ZNF623: variants seen among roughly 807,000 people sequenced by gnomAD.
The protein encoded by ZNF623 is zinc finger protein 623.
ZNF623 carries 16 observed loss-of-function variants against 24.0 expected under a neutral mutation model. The observed-to-expected ratio is 0.67, with a 90% CI of 0.45 to 1.01. ZNF623 has a LOEUF of 1.01. ZNF623 is among the 50% of genes least tolerant of loss of function. The probability of loss-of-function intolerance (pLI) is 0.00; values close to 1 mark genes in which losing one functional copy is unlikely to be tolerated. For missense variants in ZNF623, 566 were observed against 606.5 expected, an observed-to-expected ratio of 0.93 and a Z score of 0.70; for synonymous variants, 224 against 219.8, an observed-to-expected ratio of 1.02 and a Z score of -0.17.
Position 143,651,455 on chromosome 8 carries a change from A to G in ZNF623, c.1463A>G (p.Asp488Gly), listed in dbSNP as rs1405221261. Residue 488 changes from aspartate to glycine, a missense_variant, in exon 2 of 2, where the codon GAT becomes GGT. By Grantham distance (94) the Asp-to-Gly change is moderately conservative (BLOSUM62 -1). Around this residue, in one of 3 missense-constraint regions of ZNF623, gnomAD observed 136 missense variants for 131.9 expected, o/e 1.03. Transcript: ENST00000526926. ...ATACATTTGGGTGAGAGGTCTGTAG[A>G]TAAGGGGGAACACACAGGTAACTTA... Reference protein sequence around the residue: ...APIHLGERSVDKGEHTGNL With the variant: ...APIHLGERSVGKGEHTGNL The G allele has an allele frequency of 1.3e-6, 2 of 1,589,916 alleles. No homozygotes were observed. Among genetic ancestry groups the G allele is most frequent in the South Asian group, 1.1e-5 (1 of 87,076 alleles).
intron 1 of ZNF623, among the ~76,000 whole-genome samples, chr8:143,639,257 G>T (rs186951488): frequency 0.011 from 1,742 of 151,800 alleles, 16 homozygotes; most frequent in Non-Finnish European, 0.017. Flanking sequence ...CGCTCTTGTT[G>T]CCCAGGCTGG....
Position 143,648,917 on chromosome 8 carries a change from A to T in ZNF623, c.-95-981A>T, listed in dbSNP as rs565483851. ...AGGAGAAGTGGAAGGTCCTGTGGGG[A>T]GTGGGAAGGGTAGGAGTTGCTGGCA... On this transcript the variant is annotated intron_variant, in intron 1 of 1. Transcript: ENST00000526926. Among the ~76,000 whole-genome samples the T allele has an allele frequency of 2.0e-5, 3 of 151,806 alleles. No homozygotes were observed. In the South Asian group the frequency reaches 6.3e-4, roughly 32 times the overall value.
chr8:143,650,380 C>G lies in ZNF623; in HGVS notation c.388C>G (p.Gln130Glu), dbSNP rs1815271949. 6.2e-7 allele frequency: 1 copy of G among 1,614,204 alleles called. No individual in the cohort carries two copies. The highest frequency in any genetic ancestry group is 2.2e-5 in the East Asian group (1 of 44,888). The change falls in exon 2 of 2, where the codon CAG becomes GAG. Residue 130 changes from glutamine to glutamate, a missense_variant. Physicochemically the swap from Gln to Glu is conservative, Grantham distance 29. Around this residue, in one of 3 missense-constraint regions of ZNF623, gnomAD observed 313 missense variants for 300.4 expected, o/e 1.04. Coordinates refer to ENST00000526926, the MANE Select transcript of ZNF623 (RefSeq NM_001261843.2). This position sits in a 1 kb window ranked among gnomAD's most constrained non-coding sequence, Gnocchi z 5.2. ...FGQSSHLMEHQRIHTGERLYV... is the reference protein window; with the variant it reads ...FGQSSHLMEHERIHTGERLYV... ...CCAGAGCTCACACCTTATGGAGCAT[C>G]AGAGAATTCACACTGGAGAGAGACT... is the stretch of plus-strand genomic sequence containing the variant.
chr8:143,636,809 G>A (rs1222815838), intron 1 of ZNF623, among the ~76,000 whole-genome samples: 1 of 152,196 alleles, frequency 6.6e-6, no homozygotes, highest in Non-Finnish European at 1.5e-5. Context: ...TTCCCTTCGC[G>A]TCTTTAAGAA....
intron 1 of ZNF623, among the ~76,000 whole-genome samples, chr8:143,641,912 A>C (rs959787763): frequency 6.6e-6 from 1 of 152,232 alleles, no homozygotes; most frequent in Non-Finnish European, 1.5e-5. Context: ...TGGATTTAGC[A>C]TCATTCTTAA....
chr8:143,651,516 T>G lies in ZNF623; in HGVS notation c.*33T>G, dbSNP rs764887472. The G allele has an allele frequency of 1.3e-6, 2 of 1,525,906 alleles. No individual in the cohort carries two copies. Among genetic ancestry groups the G allele is most frequent in the Non-Finnish European group, 1.8e-6 (2 of 1,139,618 alleles). The allele number at this position is 1,525,906 out of a possible 1,614,324, so 94.5% of individuals were successfully genotyped here. On this transcript the variant is annotated 3_prime_UTR_variant, in exon 2 of 2. Coordinates refer to ENST00000526926, the MANE Select transcript of ZNF623 (RefSeq NM_001261843.2). ...ACTTTCCCGCCCAGTGAGTGATGTTTGGAAATGCGTGGAATTAGGATTCAT... is the reference window on the plus strand; with the variant it reads ...ACTTTCCCGCCCAGTGAGTGATGTTGGGAAATGCGTGGAATTAGGATTCAT...
intron 1 of ZNF623, among the ~76,000 whole-genome samples, chr8:143,639,724 G>A (rs1033511057): frequency 6.6e-6 from 1 of 152,218 alleles, no homozygotes; most frequent in East Asian, 1.9e-4. Flanking sequence ...CATTATTTAA[G>A]ACGTAGGTTA....
At chr8:143,647,192 GCT>G (rs1354867439) in intron 1 of ZNF623, among the ~76,000 whole-genome samples, 3 of 151,794 alleles carry the variant, frequency 2.0e-5, no homozygotes, top group Non-Finnish European at 4.4e-5. Flanking sequence ...ACGGCGTCTT[GCT>G]CTGTCACTCA....
At chr8:143,648,998 C>A (rs1389980185) in intron 1 of ZNF623, among the ~76,000 whole-genome samples, 1 of 152,162 alleles carries the variant, frequency 6.6e-6, no homozygotes, top group South Asian at 2.1e-4. Flanking sequence ...AGTCAGCTGG[C>A]TGGATGTGGT....
At chr8:143,638,762 A>G (rs1374143093) in intron 1 of ZNF623, among the ~76,000 whole-genome samples, 1 of 149,268 alleles carries the variant, frequency 6.7e-6, no homozygotes, top group East Asian at 1.9e-4. Flanking sequence ...CTCAAAAAAT[A>G]TATATATATA....
chr8:143,647,877 C>T (rs184597362), intron 1 of ZNF623, among the ~76,000 whole-genome samples: 27 of 152,246 alleles, frequency 1.8e-4, no homozygotes, highest in South Asian at 1.0e-3. Context: ...AGGCTGTGGG[C>T]GTCTGGCGCT....
At chr8:143,643,701 T>G (rs1315225449) in intron 1 of ZNF623, among the ~76,000 whole-genome samples, 1 of 152,206 alleles carries the variant, frequency 6.6e-6, no homozygotes, top group Non-Finnish European at 1.5e-5. Context: ...AGGGATTGGC[T>G]CTCTGTTTTC....
intron 1 of ZNF623, among the ~76,000 whole-genome samples, chr8:143,642,859 G>A (rs920287058): frequency 1.3e-5 from 2 of 152,160 alleles, no homozygotes; most frequent in African/African-American, 4.8e-5. Flanking sequence ...GGTGTGGAGG[G>A]CAGAGTTCTG....
intron 1 of ZNF623, 165 bp downstream of exon 1, chr8:143,636,310 G>A (rs1429005132): frequency 6.6e-6 from 1 of 152,218 alleles, no homozygotes. Context: ...GCCTTGGCTA[G>A]TCAGTCTCCC....
chr8:143,652,695 T>C lies in ZNF623; in HGVS notation c.*1212T>C, dbSNP rs573669817. On this transcript the variant is annotated 3_prime_UTR_variant, in exon 2 of 2. Transcript: ENST00000526926. ...AGGAGGCAGGTCTCAAGAGAAGGTC[T>C]TTACTTACTTGTCTGTATCTTTCTG... 2.3e-3 allele frequency: 385 copies of C among 167,206 alleles called. 3 individuals are homozygous for C. Among genetic ancestry groups the C allele is most frequent in the Non-Finnish European group, 1.9e-3 (132 of 68,118 alleles). 10.4% of individuals were successfully genotyped at this position (167,206 alleles called of 1,614,324 possible). A position where few individuals can be genotyped will look rare whatever the true frequency, so the allele number is the denominator to read the frequency against.
rs114347915 is a variant in ZNF623, at chr8:143,644,000, C to T, written c.-95-5898C>T. 6.9e-3 allele frequency among the ~76,000 whole-genome samples: 1,048 copies of T among 152,242 alleles called. 13 individuals are homozygous for T. Among genetic ancestry groups the T allele is most frequent in the African/African-American group, 0.023 (964 of 41,548 alleles). The stretch of plus-strand genomic sequence containing the variant: ...GGCTGCTTGCTGCCAGTGCATCCCA[C>T]GTCACAGCTCTGGTTTTGGTTTTTG... On this transcript the variant is annotated intron_variant, in intron 1 of 1. Coordinates refer to ENST00000526926, the MANE Select transcript of ZNF623 (RefSeq NM_001261843.2).
rs527864234 is a variant in ZNF623, at chr8:143,646,816, C to G, written c.-95-3082C>G. Among the ~76,000 whole-genome samples, 5 of 152,158 alleles carry G rather than the reference C, an allele frequency of 3.3e-5. 1 individual carries two copies. The highest frequency in any genetic ancestry group is 1.2e-4 in the African/African-American group (5 of 41,520). On this transcript the variant is annotated intron_variant, in intron 1 of 1. Transcript: ENST00000526926. ...TGTAGTTGGAACCACAGGTGTGCTA[C>G]CTTGCCTGGCTGTTTTTAAAAATGT...
intron 1 of ZNF623, among the ~76,000 whole-genome samples, chr8:143,639,900 G>A (rs1483764637): frequency 2.0e-5 from 3 of 152,098 alleles, no homozygotes; most frequent in African/African-American, 7.2e-5. Context: ...TTCCCTTCTC[G>A]CCTCATCTTG....
intron 1 of ZNF623, among the ~76,000 whole-genome samples, chr8:143,645,596 G>A (rs79084789): frequency 2.0e-5 from 3 of 152,066 alleles, no homozygotes; most frequent in African/African-American, 7.2e-5. Flanking sequence ...TCATTGTTTC[G>A]TTATAACATC....
Sources: allele counts gnomAD v4.1 joint callset (sites outside exome capture counted in the v4.1 genomes callset), GRCh38; gene constraint gnomAD v4.1.1; regional missense constraint gnomAD v4.1.1; non-coding constraint Gnocchi (gnomAD v3.1); transcripts MANE v1.5; gene names NCBI Gene and HGNC (gene_info 2026-07-23, HGNC 2026-07-21).